CCDC73: variants seen among roughly 807,000 people sequenced by gnomAD.
The protein encoded by CCDC73 is coiled-coil domain-containing protein 73.
Under a neutral mutation model 116.5 loss-of-function variants are expected in CCDC73, and 95 were observed. The ratio of observed to expected loss-of-function variants is 0.82; its 90% confidence interval spans 0.69 to 0.97. CCDC73 has a LOEUF of 0.97. Among genes scored for constraint, CCDC73 ranks in the 50% least tolerant of loss-of-function variants. The pLI is 0.00. For missense variants in CCDC73, 1,066 were observed against 1,206.8 expected (o/e 0.88, Z 1.73); for synonymous variants, 398 against 401.3 (o/e 0.99, Z 0.10).
intron 7 of CCDC73, among the ~76,000 whole-genome samples, chr11:32,678,936 A>C (rs1856119142): frequency 6.6e-6 from 1 of 151,860 alleles, no homozygotes; most frequent in South Asian, 2.1e-4. Context: ...ACACACACGA[A>C]GAACACACAT....
intron 13 of CCDC73, among the ~76,000 whole-genome samples, chr11:32,636,320 C>A (rs35446831): frequency 0.066 from 10,070 of 152,040 alleles, 388 homozygotes; most frequent in South Asian, 0.12. Context: ...TTTCTTGTTA[C>A]AAATTGCACA....
At position 32,702,963 on chromosome 11, in the gene CCDC73, C is replaced by CA. The variant is rs763506065; in HGVS notation, c.208-20dup. 3 of 1,524,384 alleles carry CA rather than the reference C, an allele frequency of 2.0e-6. No homozygotes were observed. In the Admixed American group the frequency reaches 5.0e-5, roughly 25 times the overall value. 94.4% of individuals were successfully genotyped at this position (1,524,384 alleles called of 1,614,324 possible). A position where few individuals can be genotyped will look rare whatever the true frequency, so the allele number is the denominator to read the frequency against. ...GAGTTTCCTGTTTTAAAAATTATGA[C>CA]AAGTTAAAACACAAATTCTAGCAAC... On this transcript the variant is annotated intron_variant, in intron 3 of 17. Transcript: ENST00000335185.
intron 2 of CCDC73, among the ~76,000 whole-genome samples, chr11:32,735,213 A>G (rs1258965709): frequency 1.3e-5 from 2 of 152,178 alleles, no homozygotes; most frequent in African/African-American, 4.8e-5. Context: ...TCAATTAGGG[A>G]AAGAGGAAGT....
chr11:32,728,265 A>G (rs1850046266), intron 2 of CCDC73, among the ~76,000 whole-genome samples: 1 of 152,060 alleles, frequency 6.6e-6, no homozygotes, highest in African/African-American at 2.4e-5. Context: ...AAATAATACT[A>G]AATAAATAAA....
At chr11:32,698,506 A>G (rs1849778789) in intron 6 of CCDC73, among the ~76,000 whole-genome samples, 1 of 152,250 alleles carries the variant, frequency 6.6e-6, no homozygotes, top group African/African-American at 2.4e-5. Flanking sequence ...CTGTTTCATT[A>G]TTAACATTGC....
At chr11:32,814,846 T>C in the CCDC73 span, among the ~76,000 whole-genome samples, 1 of 152,130 alleles carries the variant, frequency 6.6e-6, no homozygotes, top group Admixed American at 6.5e-5. Flanking sequence ...TATTTAGCCA[T>C]ATAAAGGAAT....
At chr11:32,768,437 G>A (rs182788509) in intron 1 of CCDC73, among the ~76,000 whole-genome samples, 84 of 152,086 alleles carry the variant, frequency 5.5e-4, no homozygotes, top group Non-Finnish European at 9.3e-4. Flanking sequence ...AAACCTGCAC[G>A]TTGTGCACAT....
chr11:32,711,914 G>A (rs1023565117), intron 3 of CCDC73, among the ~76,000 whole-genome samples: 3 of 152,136 alleles, frequency 2.0e-5, no homozygotes, highest in African/African-American at 4.8e-5. Flanking sequence ...GTTTATTACA[G>A]TCTTCCCTTA....
At chr11:32,704,974 G>T (rs1849843303) in intron 3 of CCDC73, among the ~76,000 whole-genome samples, 1 of 152,152 alleles carries the variant, frequency 6.6e-6, no homozygotes, top group African/African-American at 2.4e-5. Flanking sequence ...CCTGGACATG[G>T]GACAAGAACT....
intron 14 of CCDC73, among the ~76,000 whole-genome samples, chr11:32,630,894 A>T (rs1311345992): frequency 1.3e-5 from 2 of 152,212 alleles, no homozygotes; most frequent in South Asian, 4.1e-4. Context: ...GATATATAAT[A>T]CAAATGTTAA....
At chr11:32,812,339 G>A in the CCDC73 span, among the ~76,000 whole-genome samples, 4 of 152,306 alleles carry the variant, frequency 2.6e-5, no homozygotes, top group African/African-American at 9.6e-5. Flanking sequence ...GAGCAAAATG[G>A]TGAAACCCCA....
chr11:32,741,151 T>C (rs958145209), intron 2 of CCDC73, among the ~76,000 whole-genome samples: 11 of 152,168 alleles, frequency 7.2e-5, no homozygotes, highest in Admixed American at 6.6e-4. Context: ...TCTGCAGCTA[T>C]TGGATGAAAT....
Position 32,614,846 on chromosome 11 carries a change from G to A in CCDC73, c.1472C>T (p.Ser491Phe), listed in dbSNP as rs1445777771. The change falls in exon 16 of 18, where the codon TCC (serine) becomes TTC (phenylalanine). Residue 491 changes from serine to phenylalanine, a missense_variant. Physicochemically the swap from Ser to Phe is radical, Grantham distance 155 (BLOSUM62 -2). Transcript: ENST00000335185. ...TTGACTAATTACTTCTTTATCTAAG[G>A]AGAGGGTTTTGCTTAAGGAGATTTC... ...QSEISLSKTL[S>F]LDKEVISQGQ... 4 of 1,612,798 alleles carry A rather than the reference G, an allele frequency of 2.5e-6. No individual in the cohort carries two copies. Among genetic ancestry groups the A allele is most frequent in the Non-Finnish European group, 3.4e-6 (4 of 1,179,406 alleles).
chr11:32,687,192 T>A (rs1856209835), intron 6 of CCDC73, among the ~76,000 whole-genome samples: 1 of 152,192 alleles, frequency 6.6e-6, no homozygotes, highest in Non-Finnish European at 1.5e-5. Flanking sequence ...TTAGGTTAGG[T>A]ACAATAAGGT....
chr11:32,635,401 C>A (rs746148378), intron 14 of CCDC73, among the ~76,000 whole-genome samples: 5 of 151,922 alleles, frequency 3.3e-5, no homozygotes. Context: ...CAGAAATAGA[C>A]CCATATATAT....
At chr11:32,632,808 A>G (rs896048210) in intron 14 of CCDC73, among the ~76,000 whole-genome samples, 1 of 152,124 alleles carries the variant, frequency 6.6e-6, no homozygotes, top group Non-Finnish European at 1.5e-5. Flanking sequence ...AAATGAAAAA[A>G]CTACATATCA....
chr11:32,826,225 A>G, the CCDC73 span, among the ~76,000 whole-genome samples: 1 of 152,220 alleles, frequency 6.6e-6, no homozygotes. Flanking sequence ...GGAGTCTTTC[A>G]TTTCTCACTT....
intron 3 of CCDC73, among the ~76,000 whole-genome samples, chr11:32,712,780 T>A (rs1432830543): frequency 6.3e-5 from 4 of 63,320 alleles, no homozygotes; most frequent in Non-Finnish European, 1.3e-4. Flanking sequence ...TAAATATGTA[T>A]ATATACACTT....
At chr11:32,696,073 A>C (rs559586646) in intron 6 of CCDC73, among the ~76,000 whole-genome samples, 1 of 152,298 alleles carries the variant, frequency 6.6e-6, no homozygotes, top group South Asian at 2.1e-4. Context: ...TGTAAACTTC[A>C]AATAGTAAAC....
Sources: gnomAD v4.1 joint callset for allele counts (sites outside exome capture counted in the v4.1 genomes callset) on GRCh38, gnomAD v4.1.1 for gene constraint, MANE v1.5 for transcripts, NCBI Gene and HGNC (gene_info 2026-07-23, HGNC 2026-07-21) for gene names.